The following TULP4 variants were observed in gnomAD, a reference collection of about 807,000 sequenced individuals.
TULP4 encodes tubby-related protein 4.
Under a neutral mutation model 129.0 loss-of-function variants are expected in TULP4, and 16 were observed. The observed-to-expected ratio is 0.12, with a 90% CI of 0.08 to 0.19. The LOEUF (loss-of-function observed/expected upper bound fraction) is 0.19. Among genes scored for constraint, TULP4 ranks in the 10% least tolerant of loss-of-function variants. The pLI is 1.00. For missense variants in TULP4, 1,842 were observed against 2,059.1 expected, an observed-to-expected ratio of 0.89 and a Z score of 2.04; for synonymous variants, 998 against 854.0, an observed-to-expected ratio of 1.17 and a Z score of -2.94.
intron 5 of TULP4, among the ~76,000 whole-genome samples, chr6:158,459,392 T>G (rs1011855150): frequency 2.0e-5 from 3 of 151,616 alleles, no homozygotes; most frequent in Non-Finnish European, 4.4e-5. Context: ...ATCGCGCCAT[T>G]GTACTCCAGC....
chr6:158,441,502 G>A (rs747059905), intron 3 of TULP4, among the ~76,000 whole-genome samples: 3 of 152,156 alleles, frequency 2.0e-5, no homozygotes, highest in African/African-American at 4.8e-5. Context: ...AAATGCCAGC[G>A]TTTAGCCAGA....
chr6:158,447,100 A>G (rs1019286705), intron 3 of TULP4, among the ~76,000 whole-genome samples: 12 of 152,168 alleles, frequency 7.9e-5, no homozygotes, highest in South Asian at 2.1e-4. Flanking sequence ...AAGTGTGGCA[A>G]TGGGTACAGC....
At chr6:158,377,124 G>A (rs1457175975) in intron 1 of TULP4, among the ~76,000 whole-genome samples, 1 of 152,176 alleles carries the variant, frequency 6.6e-6, no homozygotes, top group African/African-American at 2.4e-5. Context: ...AAATTTTAAT[G>A]GGCAGTGGGA....
chr6:158,354,793 C>T (rs776712581), intron 1 of TULP4, among the ~76,000 whole-genome samples: 17 of 146,388 alleles, frequency 1.2e-4, no homozygotes, highest in Admixed American at 2.8e-4. Context: ...GAAGCTGAGG[C>T]GGGATGATTG....
intron 2 of TULP4, among the ~76,000 whole-genome samples, chr6:158,418,100 T>TG (rs540988447): frequency 0.062 from 5,229 of 84,020 alleles, 216 homozygotes; most frequent in Admixed American, 0.23. Context: ...TGTGTGTGTG[T>TG]TTTTTTTTTT....
intron 7 of TULP4, 134 bp downstream of exon 7, chr6:158,480,109 G>A: frequency 2.9e-6 from 2 of 682,250 alleles, no homozygotes; most frequent in East Asian, 5.5e-5. Flanking sequence ...CCTGTCATGT[G>A]CTGCCAGGTC....
At position 158,455,091 on chromosome 6, in the gene TULP4, G is replaced by A. The variant is rs1170852306; in HGVS notation, c.859+2823G>A. ...TTTTTTTTTTTTTTTTTTTTGAGAC[G>A]GAGTCTCGCTCTGTTGCCCAGGCCG... On this transcript the variant is annotated intron_variant, in intron 5 of 13. Transcript: ENST00000367097. Among the ~76,000 whole-genome samples, 33 of 19,618 alleles carry A rather than the reference G, an allele frequency of 1.7e-3. 13 individuals are homozygous for A. The highest frequency in any genetic ancestry group is 0.016 in the African/African-American group (27 of 1,648). 12.9% of individuals were successfully genotyped at this position (19,618 alleles called of 152,430 possible).
At chr6:158,391,101 A>G (rs570843608) in intron 1 of TULP4, among the ~76,000 whole-genome samples, 153 of 152,332 alleles carry the variant, frequency 1.0e-3, no homozygotes, top group African/African-American at 3.4e-3. Context: ...TAAGATGAAA[A>G]TGAAGAAATA....
In TULP4 at chr6:158,240,778, G is replaced by A. The variant is rs1304330929; in HGVS notation, n.68+8475G>A. ...CCCCCACCTCCCTCCCGGTCGGCACGGCTGGCCAGGCGGGGGGCTGAACCC... is the reference window on the plus strand; with the variant it reads ...CCCCCACCTCCCTCCCGGTCGGCACAGCTGGCCAGGCGGGGGGCTGAACCC... On this transcript the variant is annotated intron_variant and non_coding_transcript_variant, in intron 1 of 1. Transcript: ENST00000620026. 6.2e-5 allele frequency among the ~76,000 whole-genome samples: 9 copies of A among 144,304 alleles called. No individual in the cohort carries two copies. In the East Asian group the frequency reaches 1.4e-3, roughly 22 times the overall value. 94.7% of individuals were successfully genotyped at this position (144,304 alleles called of 152,430 possible).
At chr6:158,242,442 C>G (rs1777941898) in intron 1 of TULP4, 2 of 1,046,290 alleles carry the variant, frequency 1.9e-6, no homozygotes, top group Non-Finnish European at 3.0e-6. Flanking sequence ...TGCCACTAAG[C>G]ATTCATCATA....
chr6:158,308,994 A>C (rs1391841340), upstream of TULP4, among the ~76,000 whole-genome samples: 7 of 113,732 alleles, frequency 6.2e-5, no homozygotes, highest in Non-Finnish European at 7.2e-5. Context: ...TGACCCCCCC[A>C]CCTCCCTCCC....
intron 3 of TULP4, among the ~76,000 whole-genome samples, chr6:158,447,226 G>T (rs1045040978): frequency 6.6e-6 from 1 of 152,124 alleles, no homozygotes; most frequent in Non-Finnish European, 1.5e-5. Context: ...CCCATGCTCC[G>T]GTGTCTTGAC....
chr6:158,364,420 A>G (rs1780875095), intron 1 of TULP4, among the ~76,000 whole-genome samples: 1 of 152,134 alleles, frequency 6.6e-6, no homozygotes, highest in African/African-American at 2.4e-5. Flanking sequence ...TATTATTTTT[A>G]TTGAAGCATG....
chr6:158,386,523 T>C (rs1176399997), intron 1 of TULP4, among the ~76,000 whole-genome samples: 1 of 152,206 alleles, frequency 6.6e-6, no homozygotes, highest in African/African-American at 2.4e-5. Flanking sequence ...TAAATTTTCT[T>C]TTTACTCCTT....
chr6:158,310,472 C>G (rs1244396985), upstream of TULP4: 4 of 152,234 alleles, frequency 2.6e-5, no homozygotes, highest in African/African-American at 4.8e-5. Flanking sequence ...AGGTGCCCAC[C>G]ACCATGCTCA....
At chr6:158,351,046 G>A (rs9456295) in intron 1 of TULP4, among the ~76,000 whole-genome samples, 26,354 of 152,044 alleles carry the variant, frequency 0.17, 2,714 homozygotes, top group Middle Eastern at 0.26. Flanking sequence ...GAGCTACCAC[G>A]CCTGGCCCTG....
chr6:158,453,203 C>G (rs1779202619), intron 5 of TULP4, among the ~76,000 whole-genome samples: 1 of 152,112 alleles, frequency 6.6e-6, no homozygotes, highest in Non-Finnish European at 1.5e-5. Flanking sequence ...TGCGGTGGCT[C>G]ATGCCTGTAA....
intron 4 of TULP4, among the ~76,000 whole-genome samples, chr6:158,450,664 C>G (rs115969301): frequency 1.3e-5 from 2 of 151,986 alleles, no homozygotes; most frequent in African/African-American, 4.8e-5. Context: ...ATAGTAAAGT[C>G]AGTGTCTTCA....
At chr6:158,339,219 G>GC (rs1780118932) in intron 1 of TULP4, among the ~76,000 whole-genome samples, 1 of 152,156 alleles carries the variant, frequency 6.6e-6, no homozygotes, top group South Asian at 2.1e-4. Context: ...ATGCCCCCGA[G>GC]CCGTAAAACC....
Sources: allele counts gnomAD v4.1 joint callset (sites outside exome capture counted in the v4.1 genomes callset), GRCh38; gene constraint gnomAD v4.1.1; transcripts MANE v1.5; gene names NCBI Gene and HGNC (gene_info 2026-07-23, HGNC 2026-07-21).